The following LDLRAD3 variants were observed in gnomAD, a reference collection of about 807,000 sequenced individuals.
LDLRAD3 encodes the protein low-density lipoprotein receptor class A domain-containing protein 3.
LDLRAD3 carries 20 observed loss-of-function variants against 29.4 expected under a neutral mutation model. The ratio of observed to expected loss-of-function variants is 0.68; its 90% CI spans 0.48 to 0.99. LDLRAD3 has a LOEUF of 0.99. LDLRAD3 is among the 50% of genes least tolerant of loss of function. The pLI is 0.00. For missense variants in LDLRAD3, 420 were observed against 454.3 expected, an observed-to-expected ratio of 0.92 and a Z score of 0.69; for synonymous variants, 157 against 192.7, an observed-to-expected ratio of 0.81 and a Z score of 1.53.
intron 2 of LDLRAD3, among the ~76,000 whole-genome samples, chr11:36,038,543 G>A (rs1852334449): frequency 6.6e-6 from 1 of 152,194 alleles, no homozygotes; most frequent in African/African-American, 2.4e-5. Flanking sequence ...GCAGCTGTGT[G>A]ATATTAGTGC....
Position 35,980,189 on chromosome 11 carries a change from G to T in LDLRAD3, c.46+36045G>T, listed in dbSNP as rs930195230. 5.3e-5 allele frequency among the ~76,000 whole-genome samples: 8 copies of T among 152,090 alleles called. No individual in the cohort carries two copies. The East Asian group carries it at 1.5e-3, about 29-fold the overall frequency. ...TACAGCTATATCTTCATTACTATGT[G>T]GTAGATATTATCCCCATTTTATTGC... On this transcript the variant is annotated intron_variant, in intron 1 of 5. Transcript: ENST00000315571.
chr11:36,049,371 T>A (rs1013838409), intron 2 of LDLRAD3, among the ~76,000 whole-genome samples: 4 of 152,070 alleles, frequency 2.6e-5, no homozygotes, highest in African/African-American at 9.7e-5. Context: ...TTGAGACAGA[T>A]GAGAAAATAA....
intron 4 of LDLRAD3, among the ~76,000 whole-genome samples, chr11:36,105,126 A>G (rs142467487): frequency 6.6e-6 from 1 of 151,944 alleles, no homozygotes; most frequent in African/African-American, 2.4e-5. Flanking sequence ...CTTGAGGAGA[A>G]TTTGAAAAGC....
At chr11:36,196,425 A>T (rs535798294) in intron 4 of LDLRAD3, 1 of 152,342 alleles carries the variant, frequency 6.6e-6, no homozygotes, top group East Asian at 1.9e-4. Flanking sequence ...CAGTTTAAAC[A>T]TATCAAATGC....
At position 35,995,845 on chromosome 11, in the gene LDLRAD3, T is replaced by G. The variant is rs116204577; in HGVS notation, c.47-40258T>G. The stretch of plus-strand genomic sequence containing the variant: ...CCTCATGAACCAATCTCTGCTAGCT[T>G]TAAACTTTCCTTCTGCAGCTTTCTC... On this transcript the variant is annotated intron_variant, in intron 1 of 5. Transcript: ENST00000315571. Among the ~76,000 whole-genome samples the G allele has an allele frequency of 1.5e-3, 225 of 152,322 alleles. 2 individuals carry two copies. The highest frequency in any genetic ancestry group is 5.2e-3 in the African/African-American group (216 of 41,576).
intron 4 of LDLRAD3, among the ~76,000 whole-genome samples, chr11:36,172,546 T>G (rs1854612657): frequency 6.6e-6 from 1 of 152,152 alleles, no homozygotes; most frequent in Non-Finnish European, 1.5e-5. Flanking sequence ...GGATACTGGA[T>G]TTTTGTCAAA....
rs970458185 is a variant in LDLRAD3, at chr11:36,205,445, T to A, written c.455-21640T>A. On this transcript the variant is annotated intron_variant, in intron 4 of 5. Transcript: ENST00000315571. ...TGATGAAGGGCTGTTGAAGGACTTT[T>A]ATCCACAGAGAGAATTGATAATGGT... Among the ~76,000 whole-genome samples the A allele has an allele frequency of 6.6e-5, 10 of 152,228 alleles. No individual in the cohort carries two copies. In the South Asian group the frequency reaches 8.3e-4, roughly 13 times the overall value.
chr11:35,946,545 A>G (rs1565115577), intron 1 of LDLRAD3, among the ~76,000 whole-genome samples: 1 of 152,140 alleles, frequency 6.6e-6, no homozygotes, highest in Non-Finnish European at 1.5e-5. Context: ...CCTGCGAGAG[A>G]GACTAAGCCC....
intron 4 of LDLRAD3, among the ~76,000 whole-genome samples, chr11:36,226,379 T>C (rs990644503): frequency 6.6e-6 from 1 of 152,144 alleles, no homozygotes; most frequent in African/African-American, 2.4e-5. Flanking sequence ...TGGCTTGAAA[T>C]AAATGATTTG....
chr11:36,025,591 C>A (rs939682996), intron 1 of LDLRAD3, among the ~76,000 whole-genome samples: 16 of 151,412 alleles, frequency 1.1e-4, no homozygotes, highest in East Asian at 9.8e-4. Flanking sequence ...GGGTTTCACC[C>A]TGTTAGCCAG....
intron 4 of LDLRAD3, among the ~76,000 whole-genome samples, chr11:36,219,546 A>G (rs1336234579): frequency 6.6e-6 from 1 of 152,238 alleles, no homozygotes; most frequent in African/African-American, 2.4e-5. Context: ...AGGTAATTCA[A>G]TAAGAGAGGA....
chr11:36,149,171 A>G (rs1854238645), intron 4 of LDLRAD3, among the ~76,000 whole-genome samples: 1 of 152,204 alleles, frequency 6.6e-6, no homozygotes, highest in Non-Finnish European at 1.5e-5. Flanking sequence ...TCCATTTGGG[A>G]GTAGCCAGGG....
At chr11:36,071,686 A>G (rs1053131185) in intron 2 of LDLRAD3, among the ~76,000 whole-genome samples, 14 of 152,208 alleles carry the variant, frequency 9.2e-5, no homozygotes, top group African/African-American at 3.1e-4. Flanking sequence ...TAATTCAGTC[A>G]GTAATTATTG....
chr11:35,968,476 TG>T, intron 1 of LDLRAD3: 1 of 368,516 alleles, frequency 2.7e-6, no homozygotes, highest in South Asian at 2.8e-5. Flanking sequence ...AAATCTGATC[TG>T]GATCTTCTTT....
intron 2 of LDLRAD3, among the ~76,000 whole-genome samples, chr11:36,042,944 A>G (rs764650159): frequency 9.9e-5 from 15 of 152,156 alleles, no homozygotes; most frequent in Non-Finnish European, 1.6e-4. Context: ...AAGCTGTCCA[A>G]TTTGTGGTAC....
intron 1 of LDLRAD3, among the ~76,000 whole-genome samples, chr11:35,957,842 C>G (rs1424540606): frequency 6.7e-6 from 1 of 149,084 alleles, no homozygotes; most frequent in African/African-American, 2.5e-5. Flanking sequence ...AATACAATGC[C>G]GTACACATCT....
At position 36,227,184 on chromosome 11, in the gene LDLRAD3, T is replaced by C. The variant is rs752856483; in HGVS notation, c.554T>C (p.Leu185Pro). The C allele has an allele frequency of 2.5e-6, 4 of 1,614,160 alleles. No individual in the cohort carries two copies. In the South Asian group the frequency reaches 4.4e-5, roughly 18 times the overall value. ...AIIGSSVIFV[L>P]VVALLALVLH... ...ATCGGCAGCTCCGTCATTTTTGTGC[T>C]GGTGGTGGCCCTGCTGGCACTGGTC... The change falls in exon 5 of 6, where the codon CTG becomes CCG. Residue 185 changes from leucine to proline, a missense_variant. Physicochemically the swap from Leu to Pro is moderately conservative, Grantham distance 98. This residue lies in a region of LDLRAD3 where 56 missense variants were observed against 92.2 expected (regional missense o/e 0.61). Coordinates refer to ENST00000315571, the MANE Select transcript of LDLRAD3 (RefSeq NM_174902.4).
chr11:36,145,362 G>A (rs1380782090), intron 4 of LDLRAD3, among the ~76,000 whole-genome samples: 2 of 82,898 alleles, frequency 2.4e-5, no homozygotes, highest in Non-Finnish European at 4.7e-5. Flanking sequence ...CCGGCCAGCC[G>A]CCCCGTCTGG....
At chr11:36,155,265 C>T (rs953215089) in intron 4 of LDLRAD3, among the ~76,000 whole-genome samples, 4 of 152,156 alleles carry the variant, frequency 2.6e-5, no homozygotes, top group African/African-American at 7.2e-5. Flanking sequence ...CTTGGCATGG[C>T]GAGCATGTGA....
Sources: allele counts gnomAD v4.1 joint callset (sites outside exome capture counted in the v4.1 genomes callset), GRCh38; gene constraint gnomAD v4.1.1; regional missense constraint gnomAD v4.1.1; transcripts MANE v1.5; gene names NCBI Gene and HGNC (gene_info 2026-07-23, HGNC 2026-07-21).